PICALM: variants seen among roughly 807,000 people sequenced by gnomAD.
The protein encoded by PICALM is phosphatidylinositol-binding clathrin assembly protein.
Under a neutral mutation model 80.5 loss-of-function variants are expected in PICALM, and 40 were observed. The observed-to-expected ratio is 0.50, with a 90% CI of 0.39 to 0.65. The LOEUF (loss-of-function observed/expected upper bound fraction) is 0.65. Among genes scored for constraint, PICALM ranks in the 30% least tolerant of loss-of-function variants. The pLI is 0.00. For synonymous variants in PICALM, 288 were observed against 260.3 expected, an observed-to-expected ratio of 1.11 and a Z score of -1.02; for missense variants, 676 against 778.9, an observed-to-expected ratio of 0.87 and a Z score of 1.57.
chr11:86,069,301 G>A (rs1459336342), upstream of PICALM: 1 of 167,160 alleles, frequency 6.0e-6, no homozygotes, highest in Non-Finnish European at 1.3e-5. Context: ...GGAGTGCACA[G>A]CCGGCGCATC....
At chr11:86,014,546 CTATT>C (rs1187719175) in intron 5 of PICALM, among the ~76,000 whole-genome samples, 5 of 152,096 alleles carry the variant, frequency 3.3e-5, no homozygotes, top group South Asian at 2.1e-4. Flanking sequence ...ATTAAGTTGG[CTATT>C]TATTTAAAAA....
intron 12 of PICALM, among the ~76,000 whole-genome samples, chr11:85,993,086 GTTTT>G (rs35816362): frequency 2.1e-5 from 3 of 140,022 alleles, no homozygotes; most frequent in South Asian, 2.3e-4. Context: ...ATCCCTTAAA[GTTTT>G]TTTTTTTTTT....
chr11:86,036,730 C>T (rs1313516059), intron 1 of PICALM, among the ~76,000 whole-genome samples: 1 of 152,044 alleles, frequency 6.6e-6, no homozygotes, highest in African/African-American at 2.4e-5. Flanking sequence ...TAAAAGCTGT[C>T]AGGAGAAAAT....
At chr11:85,973,381 G>C (rs2094171009) in intron 19 of PICALM, among the ~76,000 whole-genome samples, 1 of 152,214 alleles carries the variant, frequency 6.6e-6, no homozygotes, top group Non-Finnish European at 1.5e-5. Flanking sequence ...ACCGTGGTCT[G>C]AAAATAGGTA....
Position 86,000,637 on chromosome 11 carries a change from T to A in PICALM, c.1154+6A>T. On this transcript the variant is annotated splice_donor_region_variant and intron_variant, in intron 11 of 19. Coordinates refer to ENST00000393346, the MANE Select transcript of PICALM (RefSeq NM_007166.4). The stretch of plus-strand genomic sequence containing the variant: ...ATTCAAAGGTAACCTTAACTTCTAC[T>A]CCTACCTGTTAGAAGAACTAGGGGT... 6.2e-7 allele frequency: 1 copy of A among 1,610,174 alleles called. No individual in the cohort carries two copies. Among genetic ancestry groups the A allele is most frequent in the Non-Finnish European group, 8.5e-7 (1 of 1,178,748 alleles).
chr11:85,993,237 G>T (rs1592669091), intron 12 of PICALM, among the ~76,000 whole-genome samples: 5 of 151,888 alleles, frequency 3.3e-5, no homozygotes, highest in Admixed American at 3.3e-4. Context: ...CAGGTGTATG[G>T]CACCATGCCT....
intron 9 of PICALM, among the ~76,000 whole-genome samples, chr11:86,002,741 G>A (rs1007107699): frequency 2.6e-5 from 4 of 152,106 alleles, no homozygotes; most frequent in African/African-American, 9.7e-5. Context: ...GGCCTGGCAC[G>A]GTGGTTCATG....
intron 7 of PICALM, among the ~76,000 whole-genome samples, chr11:86,009,730 A>G (rs996456151): frequency 1.3e-5 from 2 of 152,144 alleles, no homozygotes; most frequent in African/African-American, 4.8e-5. Context: ...CTTTGTAACT[A>G]CAACTACCAA....
At chr11:86,038,083 G>A (rs1268898275) in intron 1 of PICALM, among the ~76,000 whole-genome samples, 1 of 152,248 alleles carries the variant, frequency 6.6e-6, no homozygotes, top group Admixed American at 6.5e-5. Flanking sequence ...ACTATGGAAA[G>A]TTGAGGCAGG....
rs902326977 is a variant in PICALM, at chr11:86,000,887, C to T, written c.1018-108G>A. ...TTCTGATAGCAGATATTCTGTTTTACCTAATTCTATGTCAGGACGAAAAGT... is the reference window on the plus strand; with the variant it reads ...TTCTGATAGCAGATATTCTGTTTTATCTAATTCTATGTCAGGACGAAAAGT... On this transcript the variant is annotated intron_variant, in intron 10 of 19. Coordinates refer to ENST00000393346, the MANE Select transcript of PICALM (RefSeq NM_007166.4). The T allele has an allele frequency of 2.0e-6, 3 of 1,488,768 alleles. No homozygotes were observed. In the South Asian group the frequency reaches 3.9e-5, roughly 19 times the overall value. 92.2% of individuals were successfully genotyped at this position (1,488,768 alleles called of 1,614,324 possible). A position where few individuals can be genotyped will look rare whatever the true frequency, so the allele number is the denominator to read the frequency against.
At chr11:86,063,842 C>T (rs1487009387) in intron 1 of PICALM, among the ~76,000 whole-genome samples, 1 of 151,660 alleles carries the variant, frequency 6.6e-6, no homozygotes, top group Non-Finnish European at 1.5e-5. Flanking sequence ...ACATTAATTA[C>T]AAAATAACTG....
At chr11:86,023,903 C>T (rs779757220) in intron 3 of PICALM, among the ~76,000 whole-genome samples, 8 of 151,994 alleles carry the variant, frequency 5.3e-5, no homozygotes, top group Non-Finnish European at 8.8e-5. Context: ...TTAGGAGGAT[C>T]GCTTTAGACC....
At chr11:85,972,488 A>T (rs2094142004) in intron 19 of PICALM, among the ~76,000 whole-genome samples, 1 of 152,230 alleles carries the variant, frequency 6.6e-6, no homozygotes. Flanking sequence ...CGGTGAGAGC[A>T]GACCCATCTA....
rs185135600 is a variant in PICALM, at chr11:85,995,955, T to C, written c.1258+871A>G. On this transcript the variant is annotated intron_variant, in intron 12 of 19. Coordinates refer to ENST00000393346, the MANE Select transcript of PICALM (RefSeq NM_007166.4). ...AAGTCAATTAGTTTTTTAAATCAAG[T>C]TCAGGCTCACAAAATTACCATGAAA... 3.0e-3 allele frequency among the ~76,000 whole-genome samples: 456 copies of C among 152,258 alleles called. 3 individuals are homozygous for C. The highest frequency in any genetic ancestry group is 0.011 in the African/African-American group (438 of 41,572).
At chr11:86,007,091 CTCTTAA>C (rs1033642878) in intron 8 of PICALM, among the ~76,000 whole-genome samples, 3 of 151,816 alleles carry the variant, frequency 2.0e-5, no homozygotes, top group African/African-American at 7.3e-5. Context: ...AAACCCTACT[CTCTTAA>C]TCTTATGTTT....
At chr11:86,033,556 C>T (rs1017863201) in intron 1 of PICALM, among the ~76,000 whole-genome samples, 8 of 152,176 alleles carry the variant, frequency 5.3e-5, no homozygotes, top group African/African-American at 1.9e-4. Context: ...AGATAAACTT[C>T]CCTGAATATT....
chr11:85,974,878 C>T, intron 18 of PICALM, 66 bp from the exon 19 acceptor site: 1 of 1,083,868 alleles, frequency 9.2e-7, no homozygotes, highest in East Asian at 2.4e-5. Context: ...AAGTAAATAA[C>T]AATGACAACA....
At chr11:85,969,924 T>C (rs2135466501) in intron 19 of PICALM, among the ~76,000 whole-genome samples, 1 of 152,364 alleles carries the variant, frequency 6.6e-6, no homozygotes, top group South Asian at 2.1e-4. Context: ...CCATAACTAT[T>C]AGCCAACAAA....
chr11:85,996,514 G>A (rs573406418), intron 12 of PICALM, among the ~76,000 whole-genome samples: 1 of 151,562 alleles, frequency 6.6e-6, no homozygotes, highest in African/African-American at 2.4e-5. Context: ...TAACCACCAT[G>A]CATTTTCTGG....
Sources: allele counts gnomAD v4.1 joint callset (sites outside exome capture counted in the v4.1 genomes callset), GRCh38; gene constraint gnomAD v4.1.1; transcripts MANE v1.5; gene names NCBI Gene and HGNC (gene_info 2026-07-23, HGNC 2026-07-21).